Variants in ANKFY1 observed in about 807,000 individuals in gnomAD.
ANKFY1 encodes ankyrin repeat and FYVE domain containing 1, also known as ankyrin repeat and FYVE domain-containing protein 1.
In ANKFY1, 47 loss-of-function variants were observed where a neutral mutation model predicts 128.3. That is an observed-to-expected ratio of 0.37 (90% confidence interval 0.29 to 0.47). The LOEUF is 0.47. Among genes scored for constraint, ANKFY1 ranks in the 20% least tolerant of loss-of-function variants. The probability of loss-of-function intolerance (pLI) is 1.00; values close to 1 mark genes in which losing one functional copy is unlikely to be tolerated. For missense variants in ANKFY1, 1,222 were observed against 1,510.6 expected (o/e 0.81, Z 3.17); for synonymous variants, 553 against 601.6 (o/e 0.92, Z 1.18).
chr17:4,201,650 G>T (rs1172367570), intron 7 of ANKFY1, among the ~76,000 whole-genome samples: 2 of 152,154 alleles, frequency 1.3e-5, no homozygotes, highest in African/African-American at 2.4e-5. Flanking sequence ...CAATTTTCCA[G>T]TAAGTCCCTT....
Position 4,189,452 on chromosome 17 carries a change from C to T in ANKFY1, c.1400G>A (p.Gly467Glu), listed in dbSNP as rs766330501. ...AAGAGCTGCTGCCTCGTTTCCTGCT[C>T]CAGCTGCCCGCTGTAGTAAACAGTT... ...TGNCLLQRAA[G>E]AGNEAAALFL... The change falls in exon 11 of 25, where the codon GGA becomes GAA. Residue 467 changes from glycine (G) to glutamate (E), a missense_variant. Coordinates refer to ENST00000341657, the MANE Select transcript of ANKFY1 (RefSeq NM_001330063.2). 12 of 1,588,914 alleles carry T rather than the reference C, an allele frequency of 7.6e-6. No homozygotes were observed. The highest frequency in any genetic ancestry group is 5.2e-5 in the Admixed American group (3 of 57,836).
Position 4,242,318 on chromosome 17 carries a change from G to A in ANKFY1, c.141C>T (p.Ser47=), listed in dbSNP as rs768380060. Residue 47 remains serine (S), a synonymous_variant, in exon 2 of 25, where the codon AGC becomes AGT. Transcript: ENST00000341657. The part of the protein sequence containing the change: ...LAAQANKESS[S]ESFISRLLAI... ...CCAGCAGACGGCTGATGAAGGACTC[G>A]CTGCTGCTCTCCTTGTTTGCCTGCG... 36 of 1,595,706 alleles carry A rather than the reference G, an allele frequency of 2.3e-5. No individual in the cohort carries two copies. The highest frequency in any genetic ancestry group is 2.7e-5 in the African/African-American group (2 of 73,684).
Position 4,263,948 on chromosome 17 carries a change from C to T in ANKFY1, c.-7G>A, listed in dbSNP as rs770316766. 1 of 1,614,018 alleles carries T rather than the reference C, an allele frequency of 6.2e-7. No individual in the cohort carries two copies. The highest frequency in any genetic ancestry group is 8.5e-7 in the Non-Finnish European group (1 of 1,179,950). ...AAACCCTACCTTCCGCCATGTCTGG[C>T]CCGGCACTGCCTGCAACCTCGCGAG... On this transcript the variant is annotated 5_prime_UTR_variant, in exon 1 of 25. Transcript: ENST00000341657.
At chr17:4,239,419 C>G (rs1388121330) in intron 2 of ANKFY1, among the ~76,000 whole-genome samples, 1 of 152,182 alleles carries the variant, frequency 6.6e-6, no homozygotes, top group Non-Finnish European at 1.5e-5. Flanking sequence ...ATTTATGGAA[C>G]TATCCTTTAC....
At position 4,183,544 on chromosome 17, in the gene ANKFY1, G is replaced by A. The variant is rs766696265; in HGVS notation, c.1806C>T (p.His602=). The part of the protein sequence containing the change: ...VLGLALWTGM[H]TIAAQLLGSG... ...AGCCCAGCAGCTGGGCTGCGATCGT[G>A]TGCATGCCTGGGAAACAAGCCCCGA... Residue 602 remains histidine (H), a synonymous_variant, in exon 14 of 25, where the codon CAC becomes CAT. Coordinates refer to ENST00000341657, the MANE Select transcript of ANKFY1 (RefSeq NM_001330063.2). The A allele has an allele frequency of 3.1e-6, 5 of 1,612,036 alleles. No homozygotes were observed. The highest frequency in any genetic ancestry group is 2.7e-5 in the African/African-American group (2 of 74,866).
rs2059278376 is a variant in ANKFY1, at chr17:4,169,640, G to A, written c.3287-352C>T. Among the ~76,000 whole-genome samples the A allele has an allele frequency of 1.3e-5, 2 of 152,178 alleles. No individual in the cohort carries two copies. Among genetic ancestry groups the A allele is most frequent in the African/African-American group, 4.8e-5 (2 of 41,428 alleles). Reference sequence around the variant, plus strand: ...AACTGGCCAGGGGAACAGAGGATGGGACTAAGACAAGAGAAATTGAGGAGG... The same window carrying A: ...AACTGGCCAGGGGAACAGAGGATGGAACTAAGACAAGAGAAATTGAGGAGG... On this transcript the variant is annotated intron_variant, in intron 23 of 24. Transcript: ENST00000341657. The surrounding 1 kb of genome is among the most constrained non-coding windows in gnomAD (Gnocchi z 5.0).
chr17:4,261,935 C>T (rs1276211568), intron 1 of ANKFY1, among the ~76,000 whole-genome samples: 1 of 152,248 alleles, frequency 6.6e-6, no homozygotes, highest in Admixed American at 6.5e-5. Flanking sequence ...TTCAGGGAAT[C>T]CCTTGGGTTT....
At chr17:4,190,420 G>A (rs935476088) in intron 10 of ANKFY1, among the ~76,000 whole-genome samples, 5 of 151,578 alleles carry the variant, frequency 3.3e-5, no homozygotes, top group Admixed American at 2.6e-4. Flanking sequence ...CAGCCTGGGC[G>A]ACAGAACAAG....
At chr17:4,202,325 C>T (rs1471566016) in intron 7 of ANKFY1, among the ~76,000 whole-genome samples, 1 of 150,936 alleles carries the variant, frequency 6.6e-6, no homozygotes, top group Non-Finnish European at 1.5e-5. Flanking sequence ...CGCTTGAACC[C>T]GGGAGGCGGA....
intron 3 of ANKFY1, chr17:4,222,285 T>C (rs2143098191): frequency 1.5e-6 from 1 of 654,480 alleles, no homozygotes; most frequent in South Asian, 1.6e-5. Context: ...TCTACCTGAG[T>C]GAGGATGAGG....
In ANKFY1 at chr17:4,197,576, T is replaced by C; in HGVS notation, c.900A>G (p.Gly300=). ...WSLLHKGIQR[G]DLFAATFLIK... Reference sequence around the variant, plus strand: ...TGAGGAAAGTGGCAGCAAAGAGATCTCCTTGAAAAGAAATAATAGAAGAAA... The same window carrying C: ...TGAGGAAAGTGGCAGCAAAGAGATCCCCTTGAAAAGAAATAATAGAAGAAA... The change falls in exon 8 of 25, where the codon GGA becomes GGG. Residue 300 remains glycine (G), a splice_region_variant and synonymous_variant. Transcript: ENST00000341657. The C allele has an allele frequency of 1.9e-6, 3 of 1,613,940 alleles. No homozygotes were observed. The highest frequency in any genetic ancestry group is 2.5e-6 in the Non-Finnish European group (3 of 1,179,908).
intron 1 of ANKFY1, chr17:4,263,481 T>G: frequency 8.1e-5 from 33 of 409,820 alleles, no homozygotes; most frequent in Non-Finnish European, 1.2e-4. Context: ...CCACCCCACC[T>G]CACCCCAACC....
intron 1 of ANKFY1, 64 bp from the exon 2 acceptor site, chr17:4,242,512 C>A: frequency 2.1e-6 from 3 of 1,409,182 alleles, no homozygotes; most frequent in Non-Finnish European, 2.8e-6. Context: ...ATTCACTAAT[C>A]CCTCATCCCA....
At chr17:4,260,043 C>T (rs745919132) in intron 1 of ANKFY1, among the ~76,000 whole-genome samples, 8 of 152,132 alleles carry the variant, frequency 5.3e-5, no homozygotes, top group Non-Finnish European at 5.9e-5. Flanking sequence ...GTGGCAGGGG[C>T]ACAGTGAATG....
chr17:4,197,315 A>T, intron 8 of ANKFY1, 58 bp downstream of exon 8: 2 of 1,551,314 alleles, frequency 1.3e-6, no homozygotes, highest in Admixed American at 3.3e-5. Flanking sequence ...ATTACATGCT[A>T]CTGTAAGATA....
Position 4,170,817 on chromosome 17 carries a change from C to T in ANKFY1, c.3184G>A (p.Ala1062Thr), listed in dbSNP as rs368037383. ...AGGCGAGCCCCCGACCGGACGATGG[C>T]GCGGCACAAGTTGGCGTTCCCTTTC... is the stretch of plus-strand genomic sequence containing the variant. ...YMKGNANLCRAIVRSGARLGV... is the reference protein window; with the variant it reads ...YMKGNANLCRTIVRSGARLGV... The change falls in exon 23 of 25, where the codon GCC becomes ACC. Residue 1062 changes from alanine (A) to threonine (T), a missense_variant. By Grantham distance (58) the Ala-to-Thr change is moderately conservative. Transcript: ENST00000341657. 2.0e-5 allele frequency: 32 copies of T among 1,614,078 alleles called. No individual in the cohort carries two copies. The highest frequency in any genetic ancestry group is 1.6e-4 in the Middle Eastern group (1 of 6,084).
intron 1 of ANKFY1, among the ~76,000 whole-genome samples, chr17:4,261,078 A>G (rs1968390248): frequency 1.3e-5 from 2 of 152,248 alleles, no homozygotes; most frequent in African/African-American, 4.8e-5. Context: ...TTGCATAGCA[A>G]GCACCTTCAG....
intron 3 of ANKFY1, among the ~76,000 whole-genome samples, chr17:4,232,349 G>A (rs899368862): frequency 4.6e-5 from 7 of 152,212 alleles, no homozygotes; most frequent in African/African-American, 1.7e-4. Context: ...CCCAGGTTTA[G>A]GCAATGAGCA....
intron 7 of ANKFY1, among the ~76,000 whole-genome samples, chr17:4,202,464 C>T (rs1268858520): frequency 1.3e-5 from 2 of 150,352 alleles, no homozygotes; most frequent in African/African-American, 4.9e-5. Flanking sequence ...TTTGGGAGGC[C>T]GAGACGGGCG....
Sources: allele counts gnomAD v4.1 joint callset (sites outside exome capture counted in the v4.1 genomes callset), GRCh38; gene constraint gnomAD v4.1.1; non-coding constraint Gnocchi (gnomAD v3.1); transcripts MANE v1.5; gene names NCBI Gene and HGNC (gene_info 2026-07-23, HGNC 2026-07-21).